Variants in SLC1A2 observed in about 807,000 individuals in gnomAD.
The protein encoded by SLC1A2 is excitatory amino acid transporter 2.
In SLC1A2, 15 loss-of-function variants were observed where a neutral mutation model predicts 48.8. The observed-to-expected ratio is 0.31, with a 90% CI of 0.21 to 0.47. The LOEUF is 0.47. SLC1A2 is among the 20% of genes least tolerant of loss of function. The probability of loss-of-function intolerance (pLI) is 0.99; values close to 1 mark genes in which losing one functional copy is unlikely to be tolerated. For missense variants in SLC1A2, 502 were observed against 730.5 expected (o/e 0.69, Z 3.61); for synonymous variants, 279 against 272.6 (o/e 1.02, Z -0.23).
chr11:35,376,827 C>A (rs547642190), intron 1 of SLC1A2, among the ~76,000 whole-genome samples: 1 of 152,130 alleles, frequency 6.6e-6, no homozygotes, highest in East Asian at 1.9e-4. Flanking sequence ...TCTATCATCT[C>A]CCCCTCTCTT....
At position 35,255,864 on chromosome 11, in the gene SLC1A2, G is replaced by T. The variant is rs563897902; in HGVS notation, c.*5030C>A. On this transcript the variant is annotated 3_prime_UTR_variant, in exon 11 of 11. Coordinates refer to ENST00000278379, the MANE Select transcript of SLC1A2 (RefSeq NM_004171.4). ...GTGAATGAACATGGCCAACTTTGAA[G>T]CTTGTTGTAAAACATCAAATGAATA... 27 of 152,326 alleles carry T rather than the reference G, an allele frequency of 1.8e-4. No homozygotes were observed. The highest frequency in any genetic ancestry group is 6.5e-4 in the African/African-American group (27 of 41,582). The allele number at this position is 152,326 out of a possible 1,614,324, so 9.4% of individuals were successfully genotyped here.
At chr11:35,339,276 G>GATTGTGGGT (rs1852748508) in intron 1 of SLC1A2, among the ~76,000 whole-genome samples, 1 of 152,216 alleles carries the variant, frequency 6.6e-6, no homozygotes. Flanking sequence ...CGGTGAACAA[G>GATTGTGGGT]ATTGTGGGTC....
intron 1 of SLC1A2, among the ~76,000 whole-genome samples, chr11:35,342,290 C>A (rs932219178): frequency 6.6e-6 from 1 of 152,162 alleles, no homozygotes; most frequent in African/African-American, 2.4e-5. Context: ...AAAATATTAA[C>A]TTTTAAAAGA....
intron 1 of SLC1A2, among the ~76,000 whole-genome samples, chr11:35,396,606 A>T (rs951314859): frequency 1.3e-4 from 19 of 151,248 alleles, no homozygotes; most frequent in African/African-American, 3.9e-4. Context: ...GGTTGGGAAA[A>T]TTTTCTCCCA....
At chr11:35,364,341 C>G (rs1853775681) in intron 1 of SLC1A2, among the ~76,000 whole-genome samples, 1 of 152,188 alleles carries the variant, frequency 6.6e-6, no homozygotes, top group African/African-American at 2.4e-5. Flanking sequence ...ACTGAGAAGC[C>G]AGCTCAGATA....
intron 1 of SLC1A2, among the ~76,000 whole-genome samples, chr11:35,406,002 G>A (rs1486457030): frequency 6.6e-6 from 1 of 152,170 alleles, no homozygotes; most frequent in Non-Finnish European, 1.5e-5. Context: ...CATTCATCGT[G>A]ATAATGATAA....
chr11:35,265,821 A>C, intron 9 of SLC1A2, 63 bp from the exon 10 acceptor site: 3 of 1,040,890 alleles, frequency 2.9e-6, no homozygotes, highest in Non-Finnish European at 4.4e-6. Flanking sequence ...TTGAGAGGTC[A>C]AGGTCTGGAG....
intron 1 of SLC1A2, among the ~76,000 whole-genome samples, chr11:35,402,555 T>C (rs1855167091): frequency 6.6e-6 from 1 of 152,230 alleles, no homozygotes; most frequent in South Asian, 2.1e-4. Flanking sequence ...CCTTGTGTTC[T>C]GTAAGCTGCT....
intron 1 of SLC1A2, among the ~76,000 whole-genome samples, chr11:35,344,713 C>T (rs901161590): frequency 6.6e-6 from 1 of 152,210 alleles, no homozygotes; most frequent in Non-Finnish European, 1.5e-5. Context: ...CAACCTCCCT[C>T]TTCAGACAAT....
chr11:35,282,096 G>T (rs944999142), intron 8 of SLC1A2, among the ~76,000 whole-genome samples: 1 of 152,106 alleles, frequency 6.6e-6, no homozygotes, highest in Non-Finnish European at 1.5e-5. Flanking sequence ...TGGAGAGCCT[G>T]TGGTTTGAGC....
intron 1 of SLC1A2, among the ~76,000 whole-genome samples, chr11:35,369,523 G>A (rs1408020539): frequency 6.6e-6 from 1 of 152,176 alleles, no homozygotes; most frequent in African/African-American, 2.4e-5. Flanking sequence ...AAAAGCCATG[G>A]GGCCTTGGGG....
chr11:35,409,279 G>A (rs1855390305), intron 1 of SLC1A2, among the ~76,000 whole-genome samples: 1 of 152,160 alleles, frequency 6.6e-6, no homozygotes, highest in Non-Finnish European at 1.5e-5. Flanking sequence ...GGATATTCCA[G>A]AAAGGATTTA....
At chr11:35,322,516 G>A in intron 1 of SLC1A2, 3 of 1,190,080 alleles carry the variant, frequency 2.5e-6, no homozygotes, top group Non-Finnish European at 3.6e-6. Flanking sequence ...AGCAACTGGT[G>A]TGTTTCTCCT....
upstream of SLC1A2, among the ~76,000 whole-genome samples, chr11:35,420,341 G>T (rs1855754542): frequency 6.6e-6 from 1 of 151,968 alleles, no homozygotes; most frequent in Admixed American, 6.6e-5. Context: ...GGACGCCTTT[G>T]CATAAAAATG....
rs191962805 is a variant in SLC1A2, at chr11:35,399,722, G to A, written c.17+19228C>T. 995 of 384,582 alleles carry A rather than the reference G, an allele frequency of 2.6e-3. 4 individuals are homozygous for A. Among genetic ancestry groups the A allele is most frequent in the Non-Finnish European group, 2.7e-3 (755 of 280,680 alleles). 23.8% of individuals were successfully genotyped at this position (384,582 alleles called of 1,614,324 possible). A position where few individuals can be genotyped will look rare whatever the true frequency, so the allele number is the denominator to read the frequency against. On this transcript the variant is annotated intron_variant, in intron 1 of 10. Coordinates refer to ENST00000278379, the MANE Select transcript of SLC1A2 (RefSeq NM_004171.4). ...GAAGAAACCAGCCCTGAATAAAGTCGGGAGCCACCATTTTAGAGAAAGTAC... is the reference window on the plus strand; with the variant it reads ...GAAGAAACCAGCCCTGAATAAAGTCAGGAGCCACCATTTTAGAGAAAGTAC...
intron 1 of SLC1A2, among the ~76,000 whole-genome samples, chr11:35,331,828 C>T (rs781426386): frequency 3.3e-5 from 5 of 152,170 alleles, no homozygotes; most frequent in Non-Finnish European, 5.9e-5. Flanking sequence ...GAGATCTTAA[C>T]GTTGCACAAT....
intron 9 of SLC1A2, among the ~76,000 whole-genome samples, chr11:35,274,490 CAAAGA>C (rs1850378243): frequency 6.6e-6 from 1 of 152,082 alleles, no homozygotes; most frequent in Admixed American, 6.6e-5. Context: ...CTAAAATCTT[CAAAGA>C]AAAGGTTAAC....
At chr11:35,282,891 G>C (rs1480520948) in intron 8 of SLC1A2, among the ~76,000 whole-genome samples, 1 of 152,104 alleles carries the variant, frequency 6.6e-6, no homozygotes, top group East Asian at 1.9e-4. Flanking sequence ...TCTGTGTGTG[G>C]AATTCTAAGC....
intron 6 of SLC1A2, among the ~76,000 whole-genome samples, chr11:35,301,257 A>G (rs757795662): frequency 1.9e-4 from 29 of 152,348 alleles, no homozygotes; most frequent in Middle Eastern, 3.4e-3. Flanking sequence ...AGACAGTTAC[A>G]TAAAAATATA....
Sources: gnomAD v4.1 joint callset for allele counts (sites outside exome capture counted in the v4.1 genomes callset) on GRCh38, gnomAD v4.1.1 for gene constraint, MANE v1.5 for transcripts, NCBI Gene and HGNC (gene_info 2026-07-23, HGNC 2026-07-21) for gene names.